The following PRELID2 variants were observed in gnomAD, a reference collection of about 807,000 sequenced individuals.
The protein encoded by PRELID2 is PRELI domain-containing protein 2.
In PRELID2, 25 loss-of-function variants were observed where a neutral mutation model predicts 28.4. The ratio of observed to expected loss-of-function variants is 0.88; its 90% CI spans 0.64 to 1.23. The LOEUF (loss-of-function observed/expected upper bound fraction) is 1.23, where lower values mean the gene tolerates loss of function less well. Ranked by LOEUF, PRELID2 falls within the 50% of genes most tolerant of loss-of-function variation. The pLI is 0.00. For synonymous variants in PRELID2, 76 were observed against 71.6 expected, an observed-to-expected ratio of 1.06 and a Z score of -0.31; for missense variants, 201 against 214.4, an observed-to-expected ratio of 0.94 and a Z score of 0.39.
chr5:145,539,934 T>A (rs1386706458), intron 1 of PRELID2, among the ~76,000 whole-genome samples: 2 of 151,820 alleles, frequency 1.3e-5, no homozygotes, highest in Non-Finnish European at 2.9e-5. Flanking sequence ...TAAGCCAAAA[T>A]GTGCCTCTAA....
intron 1 of PRELID2, among the ~76,000 whole-genome samples, chr5:145,741,228 A>C (rs1175046066): frequency 1.4e-5 from 1 of 72,558 alleles, no homozygotes; most frequent in African/African-American, 5.3e-5. Flanking sequence ...ATATATATAT[A>C]ATATATAATA....
chr5:145,817,190 CAA>C (rs1246315266), intron 4 of PRELID2, among the ~76,000 whole-genome samples: 5 of 42,662 alleles, frequency 1.2e-4, no homozygotes, highest in Admixed American at 5.6e-4. Flanking sequence ...GACTGCATTT[CAA>C]AAAAAAATAA....
the PRELID2 span, among the ~76,000 whole-genome samples, chr5:145,367,974 T>C: frequency 5.3e-5 from 8 of 151,962 alleles, no homozygotes; most frequent in African/African-American, 1.7e-4. Flanking sequence ...CTTAATCATA[T>C]GATACAATTA....
At chr5:145,475,409 C>T (rs1014591126) in intron 1 of PRELID2, among the ~76,000 whole-genome samples, 2 of 152,130 alleles carry the variant, frequency 1.3e-5, no homozygotes, top group African/African-American at 4.8e-5. Context: ...AAAAAATAAG[C>T]AGCCTAAACA....
At chr5:145,430,755 G>A in the PRELID2 span, among the ~76,000 whole-genome samples, 2 of 152,050 alleles carry the variant, frequency 1.3e-5, no homozygotes, top group African/African-American at 4.8e-5. Context: ...TTCTCACAGG[G>A]CCCCCATGCT....
chr5:145,542,226 G>A (rs1000794467), intron 1 of PRELID2, among the ~76,000 whole-genome samples: 2 of 152,042 alleles, frequency 1.3e-5, no homozygotes, highest in African/African-American at 2.4e-5. Context: ...GCTTTCCAGT[G>A]TGGCCACCCT....
At chr5:145,377,240 G>T in the PRELID2 span, among the ~76,000 whole-genome samples, 1 of 152,140 alleles carries the variant, frequency 6.6e-6, no homozygotes, top group African/African-American at 2.4e-5. Flanking sequence ...TAATTGCACT[G>T]TGGTCTGACA....
chr5:145,439,691 T>C, the PRELID2 span, among the ~76,000 whole-genome samples: 4 of 152,028 alleles, frequency 2.6e-5, no homozygotes, highest in Non-Finnish European at 4.4e-5. Flanking sequence ...CACTAAATCC[T>C]ACATATTCCA....
At chr5:145,313,508 T>C in the PRELID2 span, among the ~76,000 whole-genome samples, 4 of 151,802 alleles carry the variant, frequency 2.6e-5, no homozygotes, top group African/African-American at 9.7e-5. Context: ...GGCAAAAACT[T>C]TTCCTGCATC....
chr5:145,357,900 C>G, the PRELID2 span, among the ~76,000 whole-genome samples: 2 of 148,152 alleles, frequency 1.3e-5, no homozygotes, highest in Non-Finnish European at 3.0e-5. Context: ...TGTGAAGTTG[C>G]TGTCCCTTGG....
At chr5:145,680,521 G>C (rs79245049) in intron 1 of PRELID2, among the ~76,000 whole-genome samples, 1 of 152,146 alleles carries the variant, frequency 6.6e-6, no homozygotes. Context: ...TGAGAAGATG[G>C]GTATTTGGGG....
At chr5:145,493,666 G>A (rs540166674) in intron 1 of PRELID2, among the ~76,000 whole-genome samples, 5 of 152,148 alleles carry the variant, frequency 3.3e-5, no homozygotes, top group South Asian at 4.1e-4. Context: ...ACCTGCTCTC[G>A]CTACCTGAAA....
chr5:145,545,474 AAGTAAAACAT>A (rs1752778631), intron 1 of PRELID2, among the ~76,000 whole-genome samples: 2 of 152,040 alleles, frequency 1.3e-5, no homozygotes. Flanking sequence ...CTAATTTTCA[AAGTAAAACAT>A]GATACTTCAA....
intron 1 of PRELID2, among the ~76,000 whole-genome samples, chr5:145,567,820 A>C (rs1438624470): frequency 6.6e-6 from 1 of 152,224 alleles, no homozygotes; most frequent in Non-Finnish European, 1.5e-5. Context: ...TGGAACTGCG[A>C]GTCGATTAAA....
At chr5:145,313,024 A>T in the PRELID2 span, among the ~76,000 whole-genome samples, 1 of 152,116 alleles carries the variant, frequency 6.6e-6, no homozygotes, top group Non-Finnish European at 1.5e-5. Context: ...TAGAAAAAAA[A>T]ATTCTAAAAT....
At chr5:145,474,187 T>C (rs1028541228) in intron 1 of PRELID2, among the ~76,000 whole-genome samples, 1 of 152,126 alleles carries the variant, frequency 6.6e-6, no homozygotes, top group African/African-American at 2.4e-5. Context: ...AATAAATCTA[T>C]CTCCCAAGAT....
the PRELID2 span, among the ~76,000 whole-genome samples, chr5:145,370,625 G>A: frequency 1.2e-4 from 19 of 152,126 alleles, no homozygotes; most frequent in East Asian, 5.8e-4. Flanking sequence ...GATTCCGTAC[G>A]AAATTTAAAG....
the PRELID2 span, among the ~76,000 whole-genome samples, chr5:145,270,399 A>C: frequency 6.6e-6 from 1 of 152,124 alleles, no homozygotes; most frequent in Non-Finnish European, 1.5e-5. Context: ...TCAGGAATAA[A>C]AAGGAACACT....
At position 145,714,297 on chromosome 5, in the gene PRELID2, G is replaced by A. The variant is rs541269710; in HGVS notation, n.70+50634C>T. On this transcript the variant is annotated intron_variant and non_coding_transcript_variant, in intron 1 of 2. Transcript: ENST00000510259. ...CAGATTGGCATGAAACTTCATGACCGAGATTTAACAGGCACAAATGCCCAA... is the reference window on the plus strand; with the variant it reads ...CAGATTGGCATGAAACTTCATGACCAAGATTTAACAGGCACAAATGCCCAA... Among the ~76,000 whole-genome samples, 166 of 152,234 alleles carry A rather than the reference G, an allele frequency of 1.1e-3. 1 individual carries two copies. Among genetic ancestry groups the A allele is most frequent in the African/African-American group, 3.9e-3 (160 of 41,558 alleles).
Sources: allele counts gnomAD v4.1 joint callset (sites outside exome capture counted in the v4.1 genomes callset), GRCh38; gene constraint gnomAD v4.1.1; transcripts MANE v1.5; gene names NCBI Gene and HGNC (gene_info 2026-07-23, HGNC 2026-07-21).